Variants in GABRB3 observed in about 807,000 individuals in gnomAD.
GABRB3 encodes gamma-aminobutyric acid receptor subunit beta-3.
In GABRB3, 14 loss-of-function variants were observed where a neutral mutation model predicts 52.1. That is an observed-to-expected ratio of 0.27 (90% confidence interval 0.18 to 0.42). GABRB3 has a LOEUF of 0.42. Among genes scored for constraint, GABRB3 ranks in the 10% least tolerant of loss-of-function variants. The pLI, the probability that GABRB3 is intolerant of heterozygous loss-of-function variation, is 1.00. For synonymous variants in GABRB3, 260 were observed against 232.3 expected (o/e 1.12, Z -1.08); for missense variants, 307 against 609.1 (o/e 0.50, Z 5.22).
At chr15:26,600,889 A>T (rs1172994124) in intron 4 of GABRB3, among the ~76,000 whole-genome samples, 1 of 152,230 alleles carries the variant, frequency 6.6e-6, no homozygotes, top group Non-Finnish European at 1.5e-5. Context: ...GGGTTAAATA[A>T]CAAAACTATT....
At chr15:26,587,153 C>A (rs770986590) in intron 4 of GABRB3, among the ~76,000 whole-genome samples, 3 of 152,156 alleles carry the variant, frequency 2.0e-5, no homozygotes, top group Admixed American at 6.5e-5. Flanking sequence ...GTGCCCCATA[C>A]ATTGTTCCGC....
chr15:26,603,110 G>T (rs1320714489), intron 4 of GABRB3, among the ~76,000 whole-genome samples: 3 of 151,916 alleles, frequency 2.0e-5, no homozygotes, highest in Admixed American at 6.6e-5. Flanking sequence ...AAATTCAAAG[G>T]ATCATCAGTG....
chr15:26,738,154 C>T (rs1566824680), intron 3 of GABRB3, among the ~76,000 whole-genome samples: 2 of 152,130 alleles, frequency 1.3e-5, no homozygotes, highest in Admixed American at 6.5e-5. Context: ...GTGACCTCGG[C>T]TCACTGCAAC....
chr15:26,704,474 C>T (rs1306767807), intron 3 of GABRB3, among the ~76,000 whole-genome samples: 3 of 152,216 alleles, frequency 2.0e-5, no homozygotes, highest in Non-Finnish European at 4.4e-5. Context: ...GTCATTTGGC[C>T]ACACCCTTGG....
chr15:26,737,269 A>G (rs762677577), intron 3 of GABRB3, among the ~76,000 whole-genome samples: 5 of 152,102 alleles, frequency 3.3e-5, no homozygotes, highest in Non-Finnish European at 5.9e-5. Flanking sequence ...AACTCACTGT[A>G]CAAAACAAGA....
At chr15:26,566,370 T>A (rs965078414) in intron 7 of GABRB3, among the ~76,000 whole-genome samples, 2 of 152,176 alleles carry the variant, frequency 1.3e-5, no homozygotes, top group African/African-American at 2.4e-5. Context: ...TACACACATG[T>A]ACTTACATTT....
intron 3 of GABRB3, among the ~76,000 whole-genome samples, chr15:26,640,172 T>C (rs1893161715): frequency 6.6e-6 from 1 of 152,122 alleles, no homozygotes; most frequent in Non-Finnish European, 1.5e-5. Context: ...CCAAGCCAAC[T>C]TGAGGCCACT....
At position 26,640,425 on chromosome 15, in the gene GABRB3, G is replaced by A. The variant is rs537953436; in HGVS notation, c.241-18891C>T. Among the ~76,000 whole-genome samples the A allele has an allele frequency of 4.3e-4, 65 of 152,260 alleles. 1 individual carries two copies. The South Asian group carries it at 0.013, about 30-fold the overall frequency. ...CCAGCTTCTAGGGAGGCTGAGGCAGGAGAATGGCATGAACCCGGGAGGTGG... is the reference window on the plus strand; with the variant it reads ...CCAGCTTCTAGGGAGGCTGAGGCAGAAGAATGGCATGAACCCGGGAGGTGG... On this transcript the variant is annotated intron_variant, in intron 3 of 8. Coordinates refer to ENST00000311550, the MANE Select transcript of GABRB3 (RefSeq NM_000814.6).
chr15:26,757,699 T>C (rs1434179511), intron 3 of GABRB3, among the ~76,000 whole-genome samples: 1 of 152,242 alleles, frequency 6.6e-6, no homozygotes, highest in Non-Finnish European at 1.5e-5. Flanking sequence ...CAGAGGTAAT[T>C]ATTCAGTGAC....
At chr15:26,756,447 G>A (rs923175141) in intron 3 of GABRB3, among the ~76,000 whole-genome samples, 1 of 151,712 alleles carries the variant, frequency 6.6e-6, no homozygotes, top group South Asian at 2.1e-4. Context: ...GTGTGGTGGT[G>A]CACACGTGTA....
intron 3 of GABRB3, among the ~76,000 whole-genome samples, chr15:26,635,977 A>G (rs1421057322): frequency 6.6e-6 from 1 of 152,216 alleles, no homozygotes; most frequent in African/African-American, 2.4e-5. Flanking sequence ...TATTAGTTTG[A>G]TAGTTGTCTT....
chr15:26,624,927 C>T (rs1364778241), intron 3 of GABRB3: 1 of 985,446 alleles, frequency 1.0e-6, no homozygotes, highest in East Asian at 1.1e-4. Context: ...CGGGCAGCCG[C>T]TTGTGTGAGT....
At chr15:26,758,355 A>G (rs1475596968) in intron 3 of GABRB3, among the ~76,000 whole-genome samples, 1 of 152,144 alleles carries the variant, frequency 6.6e-6, no homozygotes, top group Non-Finnish European at 1.5e-5. Context: ...CCTTTGTTTA[A>G]CAAATTCCAT....
intron 3 of GABRB3, among the ~76,000 whole-genome samples, chr15:26,700,158 G>C (rs190190276): frequency 2.6e-5 from 4 of 152,050 alleles, no homozygotes; most frequent in African/African-American, 9.6e-5. Context: ...AATAAAAGAA[G>C]AGACATCATT....
chr15:26,611,624 G>GA (rs756879272), intron 4 of GABRB3, among the ~76,000 whole-genome samples: 11 of 152,128 alleles, frequency 7.2e-5, no homozygotes, highest in Non-Finnish European at 1.3e-4. Flanking sequence ...GAAAATGTAT[G>GA]AAAAAACAGA....
chr15:26,700,744 A>G lies in GABRB3; in HGVS notation c.240+71658T>C, dbSNP rs1291563641. Among the ~76,000 whole-genome samples the G allele has an allele frequency of 2.0e-5, 3 of 152,380 alleles. No homozygotes were observed. The East Asian group carries it at 5.8e-4, about 29-fold the overall frequency. ...ATGGGAAAAACATTTGACGAAAGTC[A>G]GCATCCTTTCCTTGTCTTACAAAAC... On this transcript the variant is annotated intron_variant, in intron 3 of 8. Transcript: ENST00000311550.
intron 3 of GABRB3, among the ~76,000 whole-genome samples, chr15:26,733,256 CTACACACACA>C (rs1442204156): frequency 1.3e-5 from 2 of 151,504 alleles, no homozygotes; most frequent in Non-Finnish European, 1.5e-5. Flanking sequence ...AAAATACATA[CTACACACACA>C]TACACACACA....
chr15:26,694,433 T>A (rs1566808517), intron 3 of GABRB3, among the ~76,000 whole-genome samples: 1 of 152,154 alleles, frequency 6.6e-6, no homozygotes, highest in Non-Finnish European at 1.5e-5. Flanking sequence ...ACTGAAGAAC[T>A]GAAAGGCTCA....
intron 4 of GABRB3, chr15:26,614,737 G>A (rs987704185): frequency 3.9e-5 from 6 of 152,110 alleles, no homozygotes; most frequent in African/African-American, 9.7e-5. Context: ...AAACGAATTC[G>A]ATGATTTAAT....
Sources: allele counts gnomAD v4.1 joint callset (sites outside exome capture counted in the v4.1 genomes callset), GRCh38; gene constraint gnomAD v4.1.1; transcripts MANE v1.5; gene names NCBI Gene and HGNC (gene_info 2026-07-23, HGNC 2026-07-21).